Variants in ACAP2 observed in about 807,000 individuals in gnomAD.
ACAP2 encodes ArfGAP with coiled-coil, ankyrin repeat and PH domains 2, also known as arf-GAP with coiled-coil, ANK repeat and PH domain-containing protein 2.
ACAP2 carries 39 observed loss-of-function variants against 115.8 expected under a neutral mutation model. The ratio of observed to expected loss-of-function variants is 0.34; its 90% CI spans 0.26 to 0.44. The LOEUF is 0.44. Among genes scored for constraint, ACAP2 ranks in the 20% least tolerant of loss-of-function variants. ACAP2 has a pLI of 1.00. For synonymous variants in ACAP2, 289 were observed against 315.8 expected (o/e 0.92, Z 0.90); for missense variants, 662 against 927.6 (o/e 0.71, Z 3.72).
intron 22 of ACAP2, among the ~76,000 whole-genome samples, chr3:195,281,550 C>G (rs1255875662): frequency 6.6e-6 from 1 of 152,034 alleles, no homozygotes; most frequent in Non-Finnish European, 1.5e-5. Context: ...TCAATTAAAC[C>G]TCATCAGTCT....
intron 1 of ACAP2, among the ~76,000 whole-genome samples, chr3:195,435,529 A>G (rs1715469792): frequency 6.6e-6 from 1 of 152,018 alleles, no homozygotes; most frequent in Non-Finnish European, 1.5e-5. Context: ...CTTTAGCTGC[A>G]TCCCATAAGT....
chr3:195,364,311 T>C (rs12489620), intron 4 of ACAP2, among the ~76,000 whole-genome samples: 1 of 152,094 alleles, frequency 6.6e-6, no homozygotes, highest in Non-Finnish European at 1.5e-5. Context: ...AAAAAAGACA[T>C]ACAAATGGCC....
At chr3:195,366,729 A>G (rs1459178626) in intron 4 of ACAP2, among the ~76,000 whole-genome samples, 1 of 152,230 alleles carries the variant, frequency 6.6e-6, no homozygotes, top group Non-Finnish European at 1.5e-5. Flanking sequence ...GGTTCATCCA[A>G]CACCATTTTA....
chr3:195,431,659 GGATGGTCTCGATCTCCT>G (rs1459125758), intron 1 of ACAP2, among the ~76,000 whole-genome samples: 1 of 150,480 alleles, frequency 6.6e-6, no homozygotes, highest in African/African-American at 2.4e-5. Context: ...ATGTTTGGCA[GGATGGTCTCGATCTCCT>G]GACCTCATGA....
At chr3:195,375,606 G>C (rs1377771596) in intron 4 of ACAP2, among the ~76,000 whole-genome samples, 6 of 151,678 alleles carry the variant, frequency 4.0e-5, no homozygotes. Context: ...CAGCCCAGGA[G>C]TTTGAGACCA....
intron 7 of ACAP2, among the ~76,000 whole-genome samples, chr3:195,333,356 T>G (rs1461592343): frequency 6.6e-6 from 1 of 152,130 alleles, no homozygotes; most frequent in Non-Finnish European, 1.5e-5. Flanking sequence ...CATGTGCCAC[T>G]ATGCTCAGCT....
At chr3:195,336,728 A>T in intron 7 of ACAP2, 1 of 580,154 alleles carries the variant, frequency 1.7e-6, no homozygotes, top group Non-Finnish European at 3.1e-6. Context: ...CTCACAGTGT[A>T]TCAACAGATG....
chr3:195,387,268 T>C (rs933430569), intron 2 of ACAP2, among the ~76,000 whole-genome samples: 1 of 152,212 alleles, frequency 6.6e-6, no homozygotes, highest in African/African-American at 2.4e-5. Context: ...CAAGTCCATC[T>C]AAATTATCAA....
chr3:195,327,659 C>T (rs1215585248), intron 8 of ACAP2, among the ~76,000 whole-genome samples: 1 of 152,130 alleles, frequency 6.6e-6, no homozygotes, highest in African/African-American at 2.4e-5. Context: ...TGGCCGGGCG[C>T]AGTGGCTCAC....
At chr3:195,377,350 GCCCAGGCTGGTCTCTAA>G (rs1733623705) in intron 4 of ACAP2, among the ~76,000 whole-genome samples, 1 of 151,644 alleles carries the variant, frequency 6.6e-6, no homozygotes, top group Non-Finnish European at 1.5e-5. Context: ...TCGCCATGTT[GCCCAGGCTGGTCTCTAA>G]TTCCAGGGCT....
At chr3:195,336,227 T>C (rs1449899144) in intron 7 of ACAP2, 2 of 138,154 alleles carry the variant, frequency 1.4e-5, no homozygotes, top group East Asian at 2.0e-4. Context: ...AGACCAAAAA[T>C]AGGGCTCCCC....
intron 21 of ACAP2, among the ~76,000 whole-genome samples, chr3:195,288,016 G>A (rs966109708): frequency 7.9e-5 from 12 of 151,826 alleles, no homozygotes; most frequent in African/African-American, 2.2e-4. Flanking sequence ...AGGGAGAATC[G>A]CTTGAACCCG....
At chr3:195,356,461 GTGGACT>G (rs1731977618) in intron 4 of ACAP2, among the ~76,000 whole-genome samples, 1 of 152,188 alleles carries the variant, frequency 6.6e-6, no homozygotes, top group Non-Finnish European at 1.5e-5. Context: ...CTCAGAGCCA[GTGGACT>G]TGGAGGTACA....
chr3:195,430,588 G>A (rs115910218), intron 1 of ACAP2, among the ~76,000 whole-genome samples: 2,289 of 152,112 alleles, frequency 0.015, 66 homozygotes, highest in African/African-American at 0.053. Context: ...AGTGGTTCAC[G>A]CCTATAATCC....
At chr3:195,332,538 T>C (rs1730239932) in intron 8 of ACAP2, among the ~76,000 whole-genome samples, 1 of 152,126 alleles carries the variant, frequency 6.6e-6, no homozygotes, top group Non-Finnish European at 1.5e-5. Context: ...TCCAACTTCA[T>C]TCTTCATTAA....
At chr3:195,294,194 G>C (rs1485964081) in intron 18 of ACAP2, among the ~76,000 whole-genome samples, 1 of 151,944 alleles carries the variant, frequency 6.6e-6, no homozygotes, top group Admixed American at 6.6e-5. Flanking sequence ...AGCTAGGACA[G>C]AATTTCCAAA....
At chr3:195,307,542 T>A (rs1411322026) in intron 11 of ACAP2, among the ~76,000 whole-genome samples, 1 of 152,188 alleles carries the variant, frequency 6.6e-6, no homozygotes, top group African/African-American at 2.4e-5. Context: ...TGAAATTGTT[T>A]ACATATAAAG....
At position 195,356,050 on chromosome 3, in the gene ACAP2, T is replaced by C. The variant is rs1031034634; in HGVS notation, c.286-10733A>G. On this transcript the variant is annotated intron_variant, in intron 4 of 22. Transcript: ENST00000326793. ...GCACCTTCATAAGAACCAAAAATCATGTGAGCAATCACAGTACCTTCATAT... is the reference window on the plus strand; with the variant it reads ...GCACCTTCATAAGAACCAAAAATCACGTGAGCAATCACAGTACCTTCATAT... 2.6e-5 allele frequency: 12 copies of C among 453,878 alleles called. 1 individual carries two copies. The highest frequency in any genetic ancestry group is 3.2e-4 in the Middle Eastern group (1 of 3,092). The allele number at this position is 453,878 out of a possible 1,614,324, so 28.1% of individuals were successfully genotyped here. A position where few individuals can be genotyped will look rare whatever the true frequency, so the allele number is the denominator to read the frequency against.
At chr3:195,301,694 T>C (rs1486004026) in intron 14 of ACAP2, 50 bp from the exon 15 acceptor site, 2 of 1,526,718 alleles carry the variant, frequency 1.3e-6, no homozygotes, top group Middle Eastern at 1.7e-4. Flanking sequence ...TGTTTGCGTA[T>C]TTGCGCAAGT....
Sources: allele counts gnomAD v4.1 joint callset (sites outside exome capture counted in the v4.1 genomes callset), GRCh38; gene constraint gnomAD v4.1.1; transcripts MANE v1.5; gene names NCBI Gene and HGNC (gene_info 2026-07-23, HGNC 2026-07-21).